Variants in HEPACAM2 observed in about 807,000 individuals in gnomAD.
HEPACAM2 encodes mitotic kinetics regulator.
A neutral mutation model predicts 49.6 loss-of-function variants in HEPACAM2; 49 were observed. The observed-to-expected ratio is 0.99, with a 90% CI of 0.78 to 1.25. The LOEUF (loss-of-function observed/expected upper bound fraction) is 1.25. Among genes scored for constraint, HEPACAM2 ranks in the 50% most tolerant of loss-of-function variants. The pLI, the probability that HEPACAM2 is intolerant of heterozygous loss-of-function variation, is 0.00. For missense variants in HEPACAM2, 525 were observed against 557.2 expected (o/e 0.94, Z 0.58); for synonymous variants, 197 against 202.9 (o/e 0.97, Z 0.25).
chr7:93,197,112 A>G, intron 7 of HEPACAM2, 129 bp downstream of exon 7: 1 of 581,926 alleles, frequency 1.7e-6, no homozygotes, highest in Non-Finnish European at 2.5e-6. Context: ...CACTAACTCA[A>G]AGGTAAGAGA....
chr7:93,211,608 C>T (rs552985851), intron 3 of HEPACAM2, among the ~76,000 whole-genome samples: 52 of 152,088 alleles, frequency 3.4e-4, no homozygotes, highest in African/African-American at 1.2e-3. Context: ...AGACGTTGAC[C>T]ACATACTATG....
Position 93,204,324 on chromosome 7 carries a change from CTCTATCTATCTATCTA to C in HEPACAM2, c.1012+4240_1012+4255del, listed in dbSNP as rs67856013. ...AGATGATTACATTTCCATAAACATT[CTCTATCTATCTATCTA>C]TCTATCTATCTATCTATCTATCTAT... On this transcript the variant is annotated intron_variant, in intron 4 of 9. Coordinates refer to ENST00000394468, the MANE Select transcript of HEPACAM2 (RefSeq NM_001039372.4). Among the ~76,000 whole-genome samples, 1,394 of 147,650 alleles carry C rather than the reference CTCTATCTATCTATCTA, an allele frequency of 9.4e-3. 9 individuals are homozygous for C. The highest frequency in any genetic ancestry group is 0.014 in the Middle Eastern group (4 of 284).
chr7:93,225,266 T>C (rs1194724057), intron 1 of HEPACAM2, among the ~76,000 whole-genome samples: 4 of 152,084 alleles, frequency 2.6e-5, no homozygotes, highest in African/African-American at 9.7e-5. Flanking sequence ...ATTATTTACT[T>C]TTTCAAAAAA....
At chr7:93,230,814 A>G (rs1794612425), upstream of HEPACAM2, among the ~76,000 whole-genome samples, 1 of 152,252 alleles carries the variant, frequency 6.6e-6, no homozygotes, top group African/African-American at 2.4e-5. Flanking sequence ...GAGTCAGAGA[A>G]GCATATAGGT....
intron 2 of HEPACAM2, 140 bp from the exon 3 acceptor site, chr7:93,215,825 C>T: frequency 1.3e-6 from 1 of 776,140 alleles, no homozygotes; most frequent in Non-Finnish European, 2.0e-6. Flanking sequence ...CAGGTAATAA[C>T]TAAAGAAGAG....
chr7:93,192,691 G>A (rs537731197), intron 8 of HEPACAM2, among the ~76,000 whole-genome samples: 2 of 152,150 alleles, frequency 1.3e-5, no homozygotes, highest in East Asian at 3.9e-4. Context: ...GGATATCTTA[G>A]AATCAGATAG....
chr7:93,230,109 T>G (rs1302182774), upstream of HEPACAM2, among the ~76,000 whole-genome samples: 1 of 152,208 alleles, frequency 6.6e-6, no homozygotes, highest in African/African-American at 2.4e-5. Context: ...AATACTTTCT[T>G]GCGTTTTCAG....
chr7:93,227,542 C>CT (rs1222077498), upstream of HEPACAM2, among the ~76,000 whole-genome samples: 1 of 152,152 alleles, frequency 6.6e-6, no homozygotes, highest in Non-Finnish European at 1.5e-5. Context: ...TGGAAACACT[C>CT]TTTGCATTAG....
intron 1 of HEPACAM2, among the ~76,000 whole-genome samples, chr7:93,222,326 T>C (rs1289002279): frequency 6.6e-6 from 1 of 152,152 alleles, no homozygotes; most frequent in Non-Finnish European, 1.5e-5. Context: ...AAAATAGGCT[T>C]AGTACCTGTT....
chr7:93,193,299 T>A (rs982113678), intron 8 of HEPACAM2, among the ~76,000 whole-genome samples: 2 of 152,136 alleles, frequency 1.3e-5, no homozygotes, highest in South Asian at 4.1e-4. Context: ...ACATGAAGCC[T>A]TAGTATATGT....
rs985113764 is a variant in HEPACAM2 at position 93,189,001 on chromosome 7, C to T, written c.*266G>A. ...CTTATGAGGAAACCCCTGTCACTTT[C>T]GTTCTCCCCGTCAGCATGAGAACGA... is the stretch of plus-strand genomic sequence containing the variant. On this transcript the variant is annotated 3_prime_UTR_variant, in exon 10 of 10. Coordinates refer to ENST00000394468, the MANE Select transcript of HEPACAM2 (RefSeq NM_001039372.4). 5 of 458,170 alleles carry T rather than the reference C, an allele frequency of 1.1e-5. No individual in the cohort carries two copies. Among genetic ancestry groups the T allele is most frequent in the East Asian group, 9.9e-5 (3 of 30,254 alleles). 28.4% of individuals were successfully genotyped at this position (458,170 alleles called of 1,614,324 possible).
intron 7 of HEPACAM2, 66 bp from the exon 8 acceptor site, chr7:93,195,967 T>C (rs1383368859): frequency 9.1e-7 from 1 of 1,101,552 alleles, no homozygotes; most frequent in Non-Finnish European, 1.4e-6. Flanking sequence ...TTTTAAACCT[T>C]TGTAAAACTT....
At chr7:93,214,228 T>G (rs948008152) in intron 3 of HEPACAM2, among the ~76,000 whole-genome samples, 1 of 152,108 alleles carries the variant, frequency 6.6e-6, no homozygotes, top group Non-Finnish European at 1.5e-5. Flanking sequence ...CATAAATGAA[T>G]AAGTAAGTGA....
At chr7:93,189,307 A>G (rs372567792) in intron 9 of HEPACAM2, 37 bp from the exon 10 acceptor site, 39 of 1,522,744 alleles carry the variant, frequency 2.6e-5, no homozygotes, top group African/African-American at 4.2e-5. Context: ...AAACAGTTCT[A>G]TAGATTTTTC....
At chr7:93,208,450 G>T in intron 4 of HEPACAM2, 130 bp downstream of exon 4, 2 of 802,850 alleles carry the variant, frequency 2.5e-6, no homozygotes, top group African/African-American at 1.8e-5. Context: ...ACTTTGGAAA[G>T]AGAGATTTTT....
At chr7:93,194,784 C>T (rs1438679539) in intron 8 of HEPACAM2, among the ~76,000 whole-genome samples, 1 of 152,082 alleles carries the variant, frequency 6.6e-6, no homozygotes, top group East Asian at 1.9e-4. Flanking sequence ...TGCCCTTCCT[C>T]AAATGGACTC....
Position 93,208,702 on chromosome 7 carries a change from G to A in HEPACAM2, c.890C>T (p.Pro297Leu). The change falls in exon 4 of 10, where the codon CCT becomes CTT. Residue 297 changes from proline to leucine, a missense_variant. Transcript: ENST00000394468. ...DNTTYIIKHG[P>L]RLEVASEKVA... The stretch of plus-strand genomic sequence containing the variant: ...TTTCTCAGATGCAACTTCTAAGCGA[G>A]GCCCATGCTTAATGATATATGTAGT... The A allele has an allele frequency of 6.2e-7, 1 of 1,613,164 alleles. No homozygotes were observed. Among genetic ancestry groups the A allele is most frequent in the East Asian group, 2.2e-5 (1 of 44,836 alleles).
In HEPACAM2 at chr7:93,188,793, A is replaced by C. The variant is rs1793461405; in HGVS notation, c.*474T>G. On this transcript the variant is annotated 3_prime_UTR_variant, in exon 10 of 10. Transcript: ENST00000394468. ...AATAACAAGATAGAAATTTGGAAAT[A>C]AAATTGAAACATAAATTTAGCATTC... 1 of 381,562 alleles carries C rather than the reference A, an allele frequency of 2.6e-6. No homozygotes were observed. The highest frequency in any genetic ancestry group is 4.6e-6 in the Non-Finnish European group (1 of 215,300). The allele number at this position is 381,562 out of a possible 1,614,324, so 23.6% of individuals were successfully genotyped here.
At chr7:93,215,266 G>T in intron 3 of HEPACAM2, 135 bp downstream of exon 3, 1 of 713,340 alleles carries the variant, frequency 1.4e-6, no homozygotes, top group Non-Finnish European at 2.3e-6. Flanking sequence ...TAGGAGGTGT[G>T]ATTAGAACTA....
Sources: allele counts gnomAD v4.1 joint callset (sites outside exome capture counted in the v4.1 genomes callset), GRCh38; gene constraint gnomAD v4.1.1; transcripts MANE v1.5; gene names NCBI Gene and HGNC (gene_info 2026-07-23, HGNC 2026-07-21).